Variants in TRPM4 observed in about 807,000 individuals in gnomAD.
TRPM4 encodes the protein calcium-activated non-selective cation channel 1.
A neutral mutation model predicts 135.6 loss-of-function variants in TRPM4; 124 were observed. That is an observed-to-expected ratio of 0.91 (90% CI 0.79 to 1.06). TRPM4 has a LOEUF of 1.06. Ranked by LOEUF, TRPM4 falls within the 50% of genes least tolerant of loss-of-function variation. The pLI is 0.00. For missense variants in TRPM4, 1,658 were observed against 1,671.4 expected (o/e 0.99, Z 0.14); for synonymous variants, 745 against 705.6 (o/e 1.06, Z -0.88).
chr19:49,182,322 A>G (rs1329248394), intron 10 of TRPM4, among the ~76,000 whole-genome samples: 8 of 148,334 alleles, frequency 5.4e-5, no homozygotes, highest in African/African-American at 2.0e-4. Context: ...CTGTCCATCC[A>G]TCCATCCCTC....
chr19:49,186,286 A>G (rs556158196), intron 12 of TRPM4, among the ~76,000 whole-genome samples: 1 of 152,344 alleles, frequency 6.6e-6, no homozygotes, highest in South Asian at 2.1e-4. Context: ...TACTTAGCCA[A>G]GCTGTTTACA....
intron 9 of TRPM4, among the ~76,000 whole-genome samples, chr19:49,176,571 T>C (rs565786175): frequency 6.6e-6 from 1 of 152,228 alleles, no homozygotes; most frequent in Non-Finnish European, 1.5e-5. Context: ...AATACCAGCT[T>C]GGGCCGGGTA....
At chr19:49,184,274 T>C (rs1440720197) in intron 12 of TRPM4, among the ~76,000 whole-genome samples, 1 of 152,028 alleles carries the variant, frequency 6.6e-6, no homozygotes, top group Non-Finnish European at 1.5e-5. Flanking sequence ...TTCCTTCATT[T>C]GTTTTTCTTT....
chr19:49,183,001 G>A (rs1462785789), intron 11 of TRPM4, 77 bp from the exon 12 acceptor site: 3 of 1,601,214 alleles, frequency 1.9e-6, no homozygotes, highest in Non-Finnish European at 1.7e-6. Flanking sequence ...ATGGGGCGTG[G>A]CCAAACCAGA....
intron 6 of TRPM4, among the ~76,000 whole-genome samples, chr19:49,170,884 C>T (rs959166708): frequency 4.6e-5 from 7 of 152,106 alleles, no homozygotes; most frequent in South Asian, 2.1e-4. Flanking sequence ...GAATTCGAGA[C>T]CAGCCTGGGC....
intron 16 of TRPM4, among the ~76,000 whole-genome samples, chr19:49,192,361 T>C (rs1968443838): frequency 6.6e-6 from 1 of 152,204 alleles, no homozygotes; most frequent in South Asian, 2.1e-4. Flanking sequence ...GCCAGGATGC[T>C]CCCCATCTCC....
intron 9 of TRPM4, among the ~76,000 whole-genome samples, chr19:49,175,508 C>T (rs1345950554): frequency 6.6e-6 from 1 of 151,674 alleles, no homozygotes; most frequent in Non-Finnish European, 1.5e-5. Flanking sequence ...TGTGCTTAGG[C>T]CAGAAGAATT....
intron 9 of TRPM4, among the ~76,000 whole-genome samples, chr19:49,173,970 C>T (rs1478071821): frequency 1.3e-5 from 2 of 151,660 alleles, no homozygotes; most frequent in Admixed American, 6.6e-5. Context: ...ATGCCAGCCT[C>T]CTTTATTTAG....
In TRPM4 at chr19:49,210,771, G is replaced by A; in HGVS notation, c.3390G>A (p.Glu1130=). 1.2e-6 allele frequency: 2 copies of A among 1,614,116 alleles called. No homozygotes were observed. Among genetic ancestry groups the A allele is most frequent in the Non-Finnish European group, 1.7e-6 (2 of 1,180,042 alleles). The change falls in exon 22 of 25, where the codon GAG becomes GAA. Residue 1130 remains glutamate (E), a synonymous_variant. Transcript: ENST00000252826. The surrounding 1 kb of genome is among the most constrained non-coding windows in gnomAD (Gnocchi z 4.1). ...TAACGTGGGAATCGGTGCATAAGGA[G>A]AACTTTCTGCTGGCACGCGCTAGGG... ...KLLTWESVHK[E]NFLLARARDK... is the part of the protein sequence containing the mutation.
chr19:49,180,757 G>A (rs938411389), intron 9 of TRPM4, among the ~76,000 whole-genome samples: 6 of 151,564 alleles, frequency 4.0e-5, no homozygotes, highest in Admixed American at 6.6e-5. Flanking sequence ...CTGATTGTCC[G>A]TCTGCCCCAT....
At chr19:49,199,795 G>A (rs537067253) in intron 17 of TRPM4, among the ~76,000 whole-genome samples, 1 of 152,216 alleles carries the variant, frequency 6.6e-6, no homozygotes, top group Admixed American at 6.5e-5. Flanking sequence ...CACCGCGTCT[G>A]TCCATACACT....
intron 14 of TRPM4, among the ~76,000 whole-genome samples, chr19:49,189,938 C>T (rs1968347648): frequency 6.6e-6 from 1 of 152,138 alleles, no homozygotes; most frequent in Non-Finnish European, 1.5e-5. Flanking sequence ...TACCCACCCC[C>T]TTATGTGTCA....
Position 49,184,452 on chromosome 19 carries a change from C to CTTTTTTTTTTTT in TRPM4, c.1743+1255_1743+1266dup, listed in dbSNP as rs67748057. Among the ~76,000 whole-genome samples, 2 of 45,476 alleles carry CTTTTTTTTTTTT rather than the reference C, an allele frequency of 4.4e-5. 1 individual carries two copies. The highest frequency in any genetic ancestry group is 2.1e-4 in the African/African-American group (2 of 9,504). 29.8% of individuals were successfully genotyped at this position (45,476 alleles called of 152,430 possible). On this transcript the variant is annotated intron_variant, in intron 12 of 24. Coordinates refer to ENST00000252826, the MANE Select transcript of TRPM4 (RefSeq NM_017636.4). ...TTTGGTTCATTTCTGTCTCTGTAGT[C>CTTTTTTTTTTTT]TTTTTTTTTTTTTTTTTTTTTTTTT...
intron 2 of TRPM4, among the ~76,000 whole-genome samples, chr19:49,164,397 T>C (rs1967094946): frequency 8.3e-6 from 1 of 120,416 alleles, no homozygotes; most frequent in South Asian, 2.8e-4. Flanking sequence ...TTTTTTTTTT[T>C]TGAGATGGAG....
chr19:49,161,849 C>T (rs1408478999), intron 2 of TRPM4, among the ~76,000 whole-genome samples: 2 of 152,142 alleles, frequency 1.3e-5, no homozygotes, highest in Non-Finnish European at 2.9e-5. Flanking sequence ...AGGCTGATCT[C>T]GAACTCCTGA....
intron 17 of TRPM4, 45 bp downstream of exon 17, chr19:49,196,919 C>T: frequency 1.3e-6 from 2 of 1,528,152 alleles, no homozygotes; most frequent in African/African-American, 1.4e-5. Context: ...GGCCACCTCT[C>T]ATCCTTCCTG....
Position 49,210,762 on chromosome 19 carries a change from G to A in TRPM4, c.3381G>A (p.Val1127=). ...GGAAGCTGCTAACGTGGGAATCGGT[G>A]CATAAGGAGAACTTTCTGCTGGCAC... ...AERKLLTWES[V]HKENFLLARA... Residue 1127 remains valine, a synonymous_variant, in exon 22 of 25, where the codon GTG becomes GTA. Transcript: ENST00000252826. The surrounding 1 kb of genome is among the most constrained non-coding windows in gnomAD (Gnocchi z 4.1). The A allele has an allele frequency of 6.2e-7, 1 of 1,614,136 alleles. No homozygotes were observed. Among genetic ancestry groups the A allele is most frequent in the Non-Finnish European group, 8.5e-7 (1 of 1,180,036 alleles).
chr19:49,180,520 G>A (rs1967876364), intron 9 of TRPM4, among the ~76,000 whole-genome samples: 1 of 149,640 alleles, frequency 6.7e-6, no homozygotes, highest in African/African-American at 2.5e-5. Context: ...TGCTTTGAAC[G>A]CCCTTTTCGC....
At chr19:49,186,388 C>T (rs998548180) in intron 12 of TRPM4, among the ~76,000 whole-genome samples, 6 of 152,182 alleles carry the variant, frequency 3.9e-5, no homozygotes, top group South Asian at 2.1e-4. Context: ...TTTCTGAGCA[C>T]GCCTCTAGCC....
Sources: allele counts gnomAD v4.1 joint callset (sites outside exome capture counted in the v4.1 genomes callset), GRCh38; gene constraint gnomAD v4.1.1; non-coding constraint Gnocchi (gnomAD v3.1); transcripts MANE v1.5; gene names NCBI Gene and HGNC (gene_info 2026-07-23, HGNC 2026-07-21).